The following GPATCH2 variants were observed in gnomAD, a reference collection of about 807,000 sequenced individuals.
The protein encoded by GPATCH2 is G patch domain-containing protein 2.
Under a neutral mutation model 58.0 loss-of-function variants are expected in GPATCH2, and 51 were observed. The ratio of observed to expected loss-of-function variants is 0.88; its 90% confidence interval spans 0.70 to 1.11. The LOEUF (loss-of-function observed/expected upper bound fraction) is 1.11, where lower values mean the gene tolerates loss of function less well. Among genes scored for constraint, GPATCH2 ranks in the 50% most tolerant of loss-of-function variants. The pLI is 0.00. For synonymous variants in GPATCH2, 222 were observed against 218.5 expected, an observed-to-expected ratio of 1.02 and a Z score of -0.14; for missense variants, 625 against 652.2, an observed-to-expected ratio of 0.96 and a Z score of 0.45.
At chr1:217,571,794 G>A (rs1666565705) in intron 5 of GPATCH2, among the ~76,000 whole-genome samples, 1 of 151,288 alleles carries the variant, frequency 6.6e-6, no homozygotes, top group Non-Finnish European at 1.5e-5. Flanking sequence ...TTGGAAGGCT[G>A]AGGCACGAGA....
At position 217,427,073 on chromosome 1, in the gene GPATCH2, T is replaced by C. The variant is rs1658369862; in HGVS notation, c.*4072A>G. On this transcript the variant is annotated 3_prime_UTR_variant, in exon 10 of 10. Transcript: ENST00000366935. ...CAAAACTCAACACTTCAATGCATAT[T>C]ACAAAACACTTAAAATGTCCAAGCA... 6.6e-6 allele frequency: 1 copy of C among 152,140 alleles called. No individual in the cohort carries two copies. Among genetic ancestry groups the C allele is most frequent in the Non-Finnish European group, 1.5e-5 (1 of 68,006 alleles). 9.4% of individuals were successfully genotyped at this position (152,140 alleles called of 1,614,324 possible). A position where few individuals can be genotyped will look rare whatever the true frequency, so the allele number is the denominator to read the frequency against.
At chr1:217,455,419 C>G (rs1659896701) in intron 8 of GPATCH2, among the ~76,000 whole-genome samples, 1 of 152,116 alleles carries the variant, frequency 6.6e-6, no homozygotes, top group Non-Finnish European at 1.5e-5. Flanking sequence ...GTTGATTAAC[C>G]TTCCACCACA....
intron 8 of GPATCH2, among the ~76,000 whole-genome samples, chr1:217,452,672 CT>C (rs1217458291): frequency 6.6e-6 from 1 of 151,394 alleles, no homozygotes; most frequent in Admixed American, 6.6e-5. Flanking sequence ...TCTTCTAAAC[CT>C]TTTTTTTTCC....
chr1:217,491,383 C>T (rs1661726180), intron 8 of GPATCH2: 1 of 158,138 alleles, frequency 6.3e-6, no homozygotes, highest in Admixed American at 6.5e-5. Context: ...AGAGATTAAG[C>T]CAATTTTTTA....
At chr1:217,473,657 A>C (rs1365565109) in intron 8 of GPATCH2, among the ~76,000 whole-genome samples, 2 of 152,162 alleles carry the variant, frequency 1.3e-5, no homozygotes, top group Non-Finnish European at 2.9e-5. Context: ...AGGATGTAAA[A>C]AAAAAACCCA....
At chr1:217,524,666 C>T (rs912347993) in intron 5 of GPATCH2, among the ~76,000 whole-genome samples, 6 of 151,566 alleles carry the variant, frequency 4.0e-5, no homozygotes, top group Admixed American at 2.6e-4. Flanking sequence ...GGAGACCAGC[C>T]CTGCCAACAC....
chr1:217,626,287 C>G (rs1320281623), intron 1 of GPATCH2, among the ~76,000 whole-genome samples: 1 of 152,164 alleles, frequency 6.6e-6, no homozygotes, highest in African/African-American at 2.4e-5. Context: ...AAACACTGTA[C>G]TAACACACAG....
intron 5 of GPATCH2, among the ~76,000 whole-genome samples, chr1:217,596,523 A>G (rs564074985): frequency 6.6e-6 from 1 of 152,312 alleles, no homozygotes; most frequent in South Asian, 2.1e-4. Context: ...ATATACATAA[A>G]AAGATTAGAA....
At chr1:217,608,453 T>C (rs1225209861) in intron 5 of GPATCH2, 2 of 985,108 alleles carry the variant, frequency 2.0e-6, no homozygotes, top group African/African-American at 3.5e-5. Flanking sequence ...CAGCTTTTAG[T>C]ATGGTTAAGC....
chr1:217,518,380 T>A (rs1663281332), intron 5 of GPATCH2, among the ~76,000 whole-genome samples: 1 of 152,190 alleles, frequency 6.6e-6, no homozygotes, highest in Non-Finnish European at 1.5e-5. Context: ...TGACAAAATG[T>A]CTGTTCTCTC....
chr1:217,557,557 A>T (rs549374925), intron 5 of GPATCH2, among the ~76,000 whole-genome samples: 3 of 152,144 alleles, frequency 2.0e-5, no homozygotes, highest in Non-Finnish European at 4.4e-5. Context: ...AAAATGTTGT[A>T]GCACATTTCT....
intron 6 of GPATCH2, among the ~76,000 whole-genome samples, chr1:217,510,605 C>A (rs1368498154): frequency 6.6e-6 from 1 of 151,952 alleles, no homozygotes; most frequent in Non-Finnish European, 1.5e-5. Context: ...TCTTTTAGTG[C>A]CAATTCTATC....
At chr1:217,521,584 A>G (rs1374050716) in intron 5 of GPATCH2, among the ~76,000 whole-genome samples, 4 of 152,140 alleles carry the variant, frequency 2.6e-5, no homozygotes, top group Non-Finnish European at 4.4e-5. Context: ...TTATAGAAGG[A>G]CTAACAAGAA....
rs1416182424 is a variant in GPATCH2 at position 217,569,930 on chromosome 1, C to T, written c.1098+40391G>A. Among the ~76,000 whole-genome samples, 14 of 152,108 alleles carry T rather than the reference C, an allele frequency of 9.2e-5. No individual in the cohort carries two copies. In the East Asian group the frequency reaches 1.5e-3, roughly 17 times the overall value. On this transcript the variant is annotated intron_variant, in intron 5 of 9. Transcript: ENST00000366935. ...GCAATGTTTGAAGCCAGAAAATGAA[C>T]AGAAAACATGGAAATTCACTATTTG...
chr1:217,574,632 T>C (rs1666724495), intron 5 of GPATCH2, among the ~76,000 whole-genome samples: 2 of 152,204 alleles, frequency 1.3e-5, no homozygotes, highest in African/African-American at 4.8e-5. Flanking sequence ...AACTGTCATG[T>C]TGCTAAGTAC....
intron 6 of GPATCH2, among the ~76,000 whole-genome samples, chr1:217,500,583 C>T (rs1662247914): frequency 6.6e-6 from 1 of 151,894 alleles, no homozygotes; most frequent in Non-Finnish European, 1.5e-5. Flanking sequence ...AATAGGCCAA[C>T]AAAAAATGCT....
At chr1:217,524,081 C>A (rs1345785152) in intron 5 of GPATCH2, among the ~76,000 whole-genome samples, 1 of 149,794 alleles carries the variant, frequency 6.7e-6, no homozygotes. Context: ...GGGGGGCTGA[C>A]CCCCCCACCT....
intron 7 of GPATCH2, among the ~76,000 whole-genome samples, chr1:217,495,686 A>G (rs751282207): frequency 1.3e-5 from 2 of 152,176 alleles, no homozygotes; most frequent in Non-Finnish European, 2.9e-5. Flanking sequence ...GTTTTCTGAA[A>G]CATTTACCAA....
At chr1:217,569,022 C>T (rs1666406510) in intron 5 of GPATCH2, among the ~76,000 whole-genome samples, 1 of 151,588 alleles carries the variant, frequency 6.6e-6, no homozygotes, top group East Asian at 1.9e-4. Flanking sequence ...TTAAAATATT[C>T]ATTAGTAAAT....
Sources: allele counts gnomAD v4.1 joint callset (sites outside exome capture counted in the v4.1 genomes callset), GRCh38; gene constraint gnomAD v4.1.1; transcripts MANE v1.5; gene names NCBI Gene and HGNC (gene_info 2026-07-23, HGNC 2026-07-21).